The following PRKRIP1 variants were observed in gnomAD, a reference collection of about 807,000 sequenced individuals.
PRKRIP1 encodes the protein PRKR-interacting protein 1.
PRKRIP1 carries 29 observed loss-of-function variants against 29.3 expected under a neutral mutation model. The observed-to-expected ratio is 0.99, with a 90% CI of 0.74 to 1.35. The LOEUF (loss-of-function observed/expected upper bound fraction) is 1.35, where lower values mean the gene tolerates loss of function less well. Among genes scored for constraint, PRKRIP1 ranks in the 40% most tolerant of loss-of-function variants. PRKRIP1 has a pLI of 0.00. For missense variants in PRKRIP1, 247 were observed against 236.8 expected, an observed-to-expected ratio of 1.04 and a Z score of -0.28; for synonymous variants, 90 against 85.1, an observed-to-expected ratio of 1.06 and a Z score of -0.32.
chr7:102,396,628 C>G, intron 1 of PRKRIP1, 91 bp downstream of exon 1: 6 of 1,395,152 alleles, frequency 4.3e-6, no homozygotes, highest in African/African-American at 1.5e-5. Flanking sequence ...CCTTCCCCGC[C>G]TCCAAACTCA....
chr7:102,425,231 G>A lies in PRKRIP1; in HGVS notation c.*120G>A. On this transcript the variant is annotated 3_prime_UTR_variant, in exon 6 of 6. Coordinates refer to ENST00000397912, the MANE Select transcript of PRKRIP1 (RefSeq NM_024653.4). ...CTGACCCGCTGGATGGAGAGCAAAGGAGACCCCTCCCGAGCCGCTCACAGT... is the reference window on the plus strand; with the variant it reads ...CTGACCCGCTGGATGGAGAGCAAAGAAGACCCCTCCCGAGCCGCTCACAGT... 6.6e-7 allele frequency: 1 copy of A among 1,523,404 alleles called. No homozygotes were observed. The highest frequency in any genetic ancestry group is 8.8e-7 in the Non-Finnish European group (1 of 1,140,630). The allele number at this position is 1,523,404 out of a possible 1,614,324, so 94.4% of individuals were successfully genotyped here.
At chr7:102,402,896 T>G (rs868970195) in intron 3 of PRKRIP1, among the ~76,000 whole-genome samples, 1 of 151,822 alleles carries the variant, frequency 6.6e-6, no homozygotes, top group Admixed American at 6.6e-5. Flanking sequence ...TTTTTTTTTT[T>G]CTCTGAGACA....
Position 102,407,457 on chromosome 7 carries a change from T to G in PRKRIP1, c.416T>G (p.Leu139Ter), listed in dbSNP as rs2133178913. 6.2e-7 allele frequency: 1 copy of G among 1,612,376 alleles called. No homozygotes were observed. The highest frequency in any genetic ancestry group is 1.7e-4 in the Middle Eastern group (1 of 6,058). ...AGCCAGAAGTTAAAAGAGAAGAAATTACTGGCAAAGAAGATGAAACTTGAA... is the reference window on the plus strand; with the variant it reads ...AGCCAGAAGTTAAAAGAGAAGAAATGACTGGCAAAGAAGATGAAACTTGAA... Reference protein sequence around the residue: ...KKRQKLKEKKLLAKKMKLEQK... With the variant: ...KKRQKLKEKK Residue 139 changes from leucine (L) to a stop codon, truncating the protein, a stop_gained, in exon 5 of 6, where the codon TTA (leucine) becomes TGA (stop). Transcript: ENST00000397912. LOFTEE classifies it high-confidence loss of function.
intron 5 of PRKRIP1, among the ~76,000 whole-genome samples, chr7:102,409,639 A>G (rs1052543326): frequency 2.6e-5 from 4 of 151,992 alleles, no homozygotes; most frequent in African/African-American, 4.8e-5. Context: ...TCTGGGCAAC[A>G]TAGTGAGACC....
rs1205864931 is a variant in PRKRIP1, at chr7:102,399,658, C to T, written c.306+10C>T. ...TGCCATGGCTGAGAAGGTCAGTGAG[C>T]CAGAAGGCTGGCTGAGCCCCCATGT... On this transcript the variant is annotated intron_variant, in intron 3 of 5. Coordinates refer to ENST00000397912, the MANE Select transcript of PRKRIP1 (RefSeq NM_024653.4). The T allele has an allele frequency of 1.9e-6, 3 of 1,600,946 alleles. No individual in the cohort carries two copies. Among genetic ancestry groups the T allele is most frequent in the South Asian group, 1.1e-5 (1 of 90,856 alleles).
intron 1 of PRKRIP1, 144 bp from the exon 2 acceptor site, chr7:102,397,476 T>C (rs1346397753): frequency 3.1e-6 from 2 of 638,042 alleles, no homozygotes; most frequent in Non-Finnish European, 5.6e-6. Flanking sequence ...AGCCCAGGAG[T>C]TCAAGGCTGC....
intron 3 of PRKRIP1, among the ~76,000 whole-genome samples, chr7:102,401,266 G>T (rs552158971): frequency 6.8e-4 from 103 of 152,278 alleles, no homozygotes; most frequent in Non-Finnish European, 1.2e-3. Flanking sequence ...CAGCACAACA[G>T]GAATTGTTGA....
In PRKRIP1 at chr7:102,404,323, C is replaced by G; in HGVS notation, c.307-275C>G. 9.7e-6 allele frequency: 3 copies of G among 310,816 alleles called. No homozygotes were observed. In the Admixed American group the frequency reaches 1.3e-4, roughly 14 times the overall value. 19.3% of individuals were successfully genotyped at this position (310,816 alleles called of 1,614,324 possible). On this transcript the variant is annotated intron_variant, in intron 3 of 5. Transcript: ENST00000397912. ...GTGAGCGCTGCCCTCAGAGTGTCCTCTGCACTCCCTCCTGTATTGTCTCCT... is the reference window on the plus strand; with the variant it reads ...GTGAGCGCTGCCCTCAGAGTGTCCTGTGCACTCCCTCCTGTATTGTCTCCT...
At chr7:102,418,628 T>C (rs1382236004) in intron 5 of PRKRIP1, among the ~76,000 whole-genome samples, 1 of 152,188 alleles carries the variant, frequency 6.6e-6, no homozygotes, top group Admixed American at 6.5e-5. Flanking sequence ...CTTGTTTCTC[T>C]GTCACCTCTC....
chr7:102,405,031 A>G (rs374838632), intron 4 of PRKRIP1, among the ~76,000 whole-genome samples: 21 of 152,054 alleles, frequency 1.4e-4, no homozygotes, highest in Non-Finnish European at 2.1e-4. Context: ...GGTTCAAGCA[A>G]TTCTCCTGCC....
chr7:102,418,406 A>G (rs1247348737), intron 5 of PRKRIP1, among the ~76,000 whole-genome samples: 1 of 152,140 alleles, frequency 6.6e-6, no homozygotes, highest in Non-Finnish European at 1.5e-5. Flanking sequence ...AGGTCTGGGG[A>G]CTAGGCATGT....
intron 5 of PRKRIP1, among the ~76,000 whole-genome samples, chr7:102,418,022 T>TTTCTTCTTCTTC (rs139908003): frequency 3.5e-5 from 5 of 141,166 alleles, no homozygotes; most frequent in African/African-American, 1.3e-4. Context: ...TGGCTGCTGC[T>TTTCTTCTTCTTC]TTCTTCTTCT....
At chr7:102,396,655 C>T in intron 1 of PRKRIP1, 118 bp downstream of exon 1, 1 of 1,120,022 alleles carries the variant, frequency 8.9e-7, no homozygotes, top group Non-Finnish European at 1.3e-6. Flanking sequence ...CAGTATCCGA[C>T]CCTCCAAGAG....
intron 5 of PRKRIP1, 151 bp from the exon 6 acceptor site, chr7:102,424,863 G>C: frequency 1.4e-6 from 1 of 708,870 alleles, no homozygotes; most frequent in Non-Finnish European, 2.3e-6. Flanking sequence ...GAATGGCTCA[G>C]AGGACTGGTG....
At chr7:102,409,169 C>T (rs984625367) in intron 5 of PRKRIP1, among the ~76,000 whole-genome samples, 21 of 151,982 alleles carry the variant, frequency 1.4e-4, no homozygotes, top group Admixed American at 4.6e-4. Context: ...AGCGAAACTC[C>T]GTCTCAAAAA....
intron 5 of PRKRIP1, among the ~76,000 whole-genome samples, chr7:102,420,828 C>T (rs755338127): frequency 6.6e-6 from 1 of 152,154 alleles, no homozygotes; most frequent in African/African-American, 2.4e-5. Context: ...AGGTCACAGT[C>T]GAAACGCAGA....
At chr7:102,412,178 A>G (rs774602840) in intron 5 of PRKRIP1, among the ~76,000 whole-genome samples, 28 of 152,264 alleles carry the variant, frequency 1.8e-4, no homozygotes, top group Middle Eastern at 3.4e-3. Context: ...GCACCTGAAC[A>G]TATTAAAAAA....
intron 1 of PRKRIP1, among the ~76,000 whole-genome samples, 192 bp downstream of exon 1, chr7:102,396,729 TTG>T (rs1413290128): frequency 2.0e-5 from 3 of 152,206 alleles, no homozygotes; most frequent in Admixed American, 2.0e-4. Context: ...CCGTCTGTCC[TTG>T]TGTGAGAGCC....
intron 5 of PRKRIP1, among the ~76,000 whole-genome samples, chr7:102,416,704 G>A (rs1796558777): frequency 1.4e-5 from 2 of 147,300 alleles, no homozygotes; most frequent in Admixed American, 1.4e-4. Context: ...TTTGGAGACA[G>A]GGTCTCTCTC....
Sources: gnomAD v4.1 joint callset for allele counts (sites outside exome capture counted in the v4.1 genomes callset) on GRCh38, gnomAD v4.1.1 for gene constraint, MANE v1.5 for transcripts, NCBI Gene and HGNC (gene_info 2026-07-23, HGNC 2026-07-21) for gene names.